MSANTD4: variants seen among roughly 807,000 people sequenced by gnomAD.
The protein encoded by MSANTD4 is Myb/SANT DNA binding domain containing 4 with coiled-coils.
In MSANTD4, 13 loss-of-function variants were observed where a neutral mutation model predicts 34.3. That is an observed-to-expected ratio of 0.38 (90% CI 0.25 to 0.60). The LOEUF is 0.60. Among genes scored for constraint, MSANTD4 ranks in the 20% least tolerant of loss-of-function variants. The pLI is 0.63. For synonymous variants in MSANTD4, 137 were observed against 145.2 expected (o/e 0.94, Z 0.41); for missense variants, 358 against 401.8 (o/e 0.89, Z 0.93).
In MSANTD4 at chr11:106,010,851, C is replaced by T. The variant is rs1255032552; in HGVS notation, c.67G>A (p.Glu23Lys). 1 of 1,613,888 alleles carries T rather than the reference C, an allele frequency of 6.2e-7. No individual in the cohort carries two copies. ...SVQETQTLLK[E>K]ITKRKEVIFS... ...ATGACTTCTTTCCTTTTCGTAATTT[C>T]TTTCAAAAGGGTCTGAGTTTCTTGA... The change falls in exon 2 of 3, where the codon GAA becomes AAA. Residue 23 changes from glutamate to lysine, a missense_variant. By Grantham distance (56) the Glu-to-Lys change is moderately conservative. Transcript: ENST00000301919.
In MSANTD4 at chr11:106,008,752, G is replaced by A. The variant is rs189908656; in HGVS notation, c.*783C>T. On this transcript the variant is annotated 3_prime_UTR_variant, in exon 3 of 3. Transcript: ENST00000301919. The stretch of plus-strand genomic sequence containing the variant: ...AAAGGAACTAAAGCTTTAAAATTGC[G>A]TCTTGCTTCTAAAGCATTAATAGTG... 9 of 152,244 alleles carry A rather than the reference G, an allele frequency of 5.9e-5. No homozygotes were observed. Among genetic ancestry groups the A allele is most frequent in the African/African-American group, 1.2e-4 (5 of 41,546 alleles). 9.4% of individuals were successfully genotyped at this position (152,244 alleles called of 1,614,324 possible).
Position 106,013,448 on chromosome 11 carries a change from C to T in MSANTD4, c.-150-2381G>A, listed in dbSNP as rs371850133. 3.3e-5 allele frequency among the ~76,000 whole-genome samples: 5 copies of T among 152,306 alleles called. 1 individual carries two copies. Among genetic ancestry groups the T allele is most frequent in the African/African-American group, 1.2e-4 (5 of 41,564 alleles). ...AGCCTTTCTATTTATAAAACAAGAT[C>T]CAGAGAGGTTAATTTGCCCACAACA... On this transcript the variant is annotated intron_variant, in intron 1 of 2. Coordinates refer to ENST00000301919, the MANE Select transcript of MSANTD4 (RefSeq NM_032424.3).
intron 1 of MSANTD4, among the ~76,000 whole-genome samples, chr11:106,014,385 T>TGC (rs1859785474): frequency 1.3e-5 from 2 of 152,234 alleles, no homozygotes; most frequent in Non-Finnish European, 2.9e-5. Flanking sequence ...AATCACTGTT[T>TGC]GCTCAAATAA....
chr11:106,018,087 A>G (rs1390218287), intron 1 of MSANTD4, among the ~76,000 whole-genome samples: 1 of 152,170 alleles, frequency 6.6e-6, no homozygotes, highest in South Asian at 2.1e-4. Context: ...TAATCTACAC[A>G]CGTAATTTAA....
intron 1 of MSANTD4, among the ~76,000 whole-genome samples, chr11:106,014,440 GTTTCT>G (rs1859787173): frequency 6.6e-6 from 1 of 152,048 alleles, no homozygotes; most frequent in African/African-American, 2.4e-5. Context: ...TTAACACATG[GTTTCT>G]TTTCTCTTAC....
At position 106,010,635 on chromosome 11, in the gene MSANTD4, C is replaced by G. The variant is rs1188291152; in HGVS notation, c.283G>C (p.Gly95Arg). Residue 95 changes from glycine (G) to arginine (R), a missense_variant, in exon 2 of 3, where the codon GGA becomes CGA. Physicochemically the swap from Gly to Arg is moderately radical, Grantham distance 125 (BLOSUM62 -2). Coordinates refer to ENST00000301919, the MANE Select transcript of MSANTD4 (RefSeq NM_032424.3). ...MKANIKLVGS[G>R]FPLPSSDLDD... ...AAATCAGAGGAGGGAAGGGGAAATC[C>G]TGAACCAACCAGCTTAATGTTGGCC... 1 of 1,614,016 alleles carries G rather than the reference C, an allele frequency of 6.2e-7. No individual in the cohort carries two copies. Among genetic ancestry groups the G allele is most frequent in the Admixed American group, 1.7e-5 (1 of 59,994 alleles).
Position 106,009,928 on chromosome 11 carries a change from T to C in MSANTD4, c.645A>G (p.Glu215=), listed in dbSNP as rs762549174. The change falls in exon 3 of 3, where the codon GAA becomes GAG. Residue 215 remains glutamate, a synonymous_variant. Transcript: ENST00000301919. ...VNIEKQKLEL[E]KRRLDIEAER... ...CGGCCTCGATATCCAGTCGTCGTTTTTCCAACTCTAGTTTCTGTTTCTCAA... is the reference window on the plus strand; with the variant it reads ...CGGCCTCGATATCCAGTCGTCGTTTCTCCAACTCTAGTTTCTGTTTCTCAA... 6.2e-7 allele frequency: 1 copy of C among 1,613,820 alleles called. No individual in the cohort carries two copies. The highest frequency in any genetic ancestry group is 8.5e-7 in the Non-Finnish European group (1 of 1,180,018).
intron 1 of MSANTD4, among the ~76,000 whole-genome samples, chr11:106,016,589 T>C (rs1035057673): frequency 2.6e-5 from 4 of 152,080 alleles, no homozygotes; most frequent in African/African-American, 9.7e-5. Flanking sequence ...GGAAAGGGTA[T>C]AGAAAGAGAA....
At chr11:106,015,614 C>A (rs966512500) in intron 1 of MSANTD4, among the ~76,000 whole-genome samples, 1 of 152,114 alleles carries the variant, frequency 6.6e-6, no homozygotes, top group Non-Finnish European at 1.5e-5. Context: ...TTGCGGACAT[C>A]TCTTTGCAAC....
At position 106,010,931 on chromosome 11, in the gene MSANTD4, G is replaced by T; in HGVS notation, c.-14C>A. On this transcript the variant is annotated 5_prime_UTR_variant, in exon 2 of 3. Transcript: ENST00000301919. ...CAACTGCTTCATTTTCAATTTCAAT[G>T]CAGTTTTTATGGTAAGAGATGTGAA... is the stretch of plus-strand genomic sequence containing the variant. 1 of 1,574,244 alleles carries T rather than the reference G, an allele frequency of 6.4e-7. No homozygotes were observed. Among genetic ancestry groups the T allele is most frequent in the African/African-American group, 1.4e-5 (1 of 73,446 alleles).
chr11:106,020,794 T>C (rs577577236), intron 1 of MSANTD4, among the ~76,000 whole-genome samples, 168 bp downstream of exon 1: 11 of 152,242 alleles, frequency 7.2e-5, no homozygotes, highest in South Asian at 4.1e-4. Context: ...TGGGCTTTAA[T>C]ACATTTTTAA....
intron 1 of MSANTD4, among the ~76,000 whole-genome samples, chr11:106,012,039 A>G (rs1036631905): frequency 1.3e-5 from 2 of 152,104 alleles, no homozygotes; most frequent in Non-Finnish European, 2.9e-5. Context: ...ATATGACAAA[A>G]TTAAAGGGGT....
Position 106,010,010 on chromosome 11 carries a change from G to A in MSANTD4, c.563C>T (p.Thr188Ile). ...PDFPHIDEFF[T>I]LNSTPSRSAY... The stretch of plus-strand genomic sequence containing the variant: ...AGATCTAGATGGTGTTGAGTTAAGG[G>A]TAAAAAACTCATCAATGTGGGGGAA... Residue 188 changes from threonine (T) to isoleucine (I), a missense_variant, in exon 3 of 3, where the codon ACC becomes ATC. Thr to Ile is a moderately conservative substitution (Grantham distance 89). Coordinates refer to ENST00000301919, the MANE Select transcript of MSANTD4 (RefSeq NM_032424.3). The A allele has an allele frequency of 1.9e-6, 3 of 1,605,834 alleles. No individual in the cohort carries two copies. The highest frequency in any genetic ancestry group is 2.5e-6 in the Non-Finnish European group (3 of 1,179,854).
chr11:106,012,486 T>G (rs541572503), intron 1 of MSANTD4, among the ~76,000 whole-genome samples: 4 of 152,350 alleles, frequency 2.6e-5, no homozygotes, highest in African/African-American at 9.6e-5. Flanking sequence ...GAGTCTCCAT[T>G]AAATAAATTT....
chr11:106,011,815 T>C (rs1374413472), intron 1 of MSANTD4, among the ~76,000 whole-genome samples: 1 of 152,156 alleles, frequency 6.6e-6, no homozygotes, highest in East Asian at 1.9e-4. Flanking sequence ...AAAAGTACAC[T>C]TTGCAGAATA....
At chr11:106,014,196 C>T (rs1173989030) in intron 1 of MSANTD4, among the ~76,000 whole-genome samples, 1 of 152,190 alleles carries the variant, frequency 6.6e-6, no homozygotes, top group Non-Finnish European at 1.5e-5. Context: ...TGTCAGCTAA[C>T]TTATGCAACT....
chr11:106,010,561 A>T lies in MSANTD4; in HGVS notation c.357T>A (p.Asn119Lys). 1 of 1,614,170 alleles carries T rather than the reference A, an allele frequency of 6.2e-7. No individual in the cohort carries two copies. The highest frequency in any genetic ancestry group is 8.5e-7 in the Non-Finnish European group (1 of 1,180,032). ...EEIDEKIGFR[N>K]DANFDWQNVA... ...CATTTTGCCAGTCAAAATTTGCATC[A>T]TTTCGGAATCCAATCTTTTCATCTA... The change falls in exon 2 of 3, where the codon AAT (asparagine) becomes AAA (lysine). Residue 119 changes from asparagine to lysine, a missense_variant. This residue lies in a region of MSANTD4 where 312 missense variants were observed against 317.6 expected (regional missense o/e 0.98). Coordinates refer to ENST00000301919, the MANE Select transcript of MSANTD4 (RefSeq NM_032424.3).
chr11:106,007,899 T>C lies in MSANTD4; in HGVS notation c.*1636A>G, dbSNP rs568215588. The C allele has an allele frequency of 2.0e-5, 3 of 152,764 alleles. No homozygotes were observed. In the East Asian group the frequency reaches 5.8e-4, roughly 29 times the overall value. The allele number at this position is 152,764 out of a possible 1,614,324, so 9.5% of individuals were successfully genotyped here. ...ACTGAGTATCATCTGAAATTACAAA[T>C]TCTCAGATAGTATAGGCAAATTTAT... On this transcript the variant is annotated 3_prime_UTR_variant, in exon 3 of 3. Coordinates refer to ENST00000301919, the MANE Select transcript of MSANTD4 (RefSeq NM_032424.3).
chr11:106,019,772 C>T (rs1024827876), intron 1 of MSANTD4, among the ~76,000 whole-genome samples: 1 of 152,168 alleles, frequency 6.6e-6, no homozygotes. Flanking sequence ...TAGTAAAACA[C>T]AGATGCATAA....
Sources: gnomAD v4.1 joint callset for allele counts (sites outside exome capture counted in the v4.1 genomes callset) on GRCh38, gnomAD v4.1.1 for gene constraint, gnomAD v4.1.1 regional missense constraint, MANE v1.5 for transcripts, NCBI Gene and HGNC (gene_info 2026-07-23, HGNC 2026-07-21) for gene names.